The following LRP11 variants were observed in gnomAD, a reference collection of about 807,000 sequenced individuals.
The protein encoded by LRP11 is LDL receptor related protein 11.
In LRP11, 25 loss-of-function variants were observed where a neutral mutation model predicts 43.1. The ratio of observed to expected loss-of-function variants is 0.58; its 90% CI spans 0.42 to 0.81. The LOEUF (loss-of-function observed/expected upper bound fraction) is 0.81. Among genes scored for constraint, LRP11 ranks in the 30% least tolerant of loss-of-function variants. The pLI is 0.00. For missense variants in LRP11, 623 were observed against 665.1 expected (o/e 0.94, Z 0.70); for synonymous variants, 316 against 299.4 (o/e 1.06, Z -0.57).
rs1583103342 is a variant in LRP11 at position 149,863,388 on chromosome 6, C to T, written c.613+20G>A. The T allele has an allele frequency of 1.5e-6, 2 of 1,333,766 alleles. No homozygotes were observed. The highest frequency in any genetic ancestry group is 4.8e-5 in the South Asian group (2 of 41,436). The allele number at this position is 1,333,766 out of a possible 1,614,324, so 82.6% of individuals were successfully genotyped here. On this transcript the variant is annotated intron_variant, in intron 1 of 6. Coordinates refer to ENST00000239367, the MANE Select transcript of LRP11 (RefSeq NM_032832.6). The stretch of plus-strand genomic sequence containing the variant: ...TCTCGAGCGCTCTGGCCAAGGCCGG[C>T]CCCTCAGTCGCGCGCTTACCCTGCC...
Position 149,864,045 on chromosome 6 carries a change from G to A in LRP11, c.-25C>T. 7.7e-7 allele frequency: 1 copy of A among 1,306,718 alleles called. No homozygotes were observed. 80.9% of individuals were successfully genotyped at this position (1,306,718 alleles called of 1,614,324 possible). A position where few individuals can be genotyped will look rare whatever the true frequency, so the allele number is the denominator to read the frequency against. On this transcript the variant is annotated 5_prime_UTR_variant, in exon 1 of 7. Coordinates refer to ENST00000239367, the MANE Select transcript of LRP11 (RefSeq NM_032832.6). ...TGGCGACGAGAGCCAAGGGCAGCGA[G>A]CCGAGGCGGGGCTGAGCGCGGGAGG...
chr6:149,852,219 A>G (rs1776730043), intron 2 of LRP11, among the ~76,000 whole-genome samples: 1 of 152,074 alleles, frequency 6.6e-6, no homozygotes, highest in South Asian at 2.1e-4. Context: ...GTGATGAGGG[A>G]CTTCCAGATT....
chr6:149,837,499 G>A (rs376003461), intron 3 of LRP11, 36 bp from the exon 4 acceptor site: 12 of 1,605,084 alleles, frequency 7.5e-6, no homozygotes, highest in African/African-American at 2.7e-5. Flanking sequence ...CACGAGTGCA[G>A]AAGTTCAGAC....
At chr6:149,861,094 GAT>G (rs1481331234) in intron 1 of LRP11, among the ~76,000 whole-genome samples, 1 of 152,168 alleles carries the variant, frequency 6.6e-6, no homozygotes, top group Non-Finnish European at 1.5e-5. Flanking sequence ...ACCTCAGATG[GAT>G]CCAGTCACAG....
At chr6:149,822,213 A>G (rs1300665700) in intron 6 of LRP11, among the ~76,000 whole-genome samples, 1 of 152,024 alleles carries the variant, frequency 6.6e-6, no homozygotes, top group East Asian at 1.9e-4. Context: ...TGTGGCATGC[A>G]CCTGCAGTCC....
rs1379449979 is a variant in LRP11 at position 149,859,392 on chromosome 6, A to ATTTTT, written c.613+4015_613+4016insAAAAA. Among the ~76,000 whole-genome samples the ATTTTT allele has an allele frequency of 3.0e-3, 228 of 76,728 alleles. 4 individuals are homozygous for ATTTTT. The highest frequency in any genetic ancestry group is 0.019 in the African/African-American group (203 of 10,418). 50.3% of individuals were successfully genotyped at this position (76,728 alleles called of 152,430 possible). A position where few individuals can be genotyped will look rare whatever the true frequency, so the allele number is the denominator to read the frequency against. Reference sequence around the variant, plus strand: ...CTTGCTGACTCATATATATATATATATATATTTTTTTTTTTTTTTTTTTGA... The same window carrying ATTTTT: ...CTTGCTGACTCATATATATATATATATTTTTTATATTTTTTTTTTTTTTTTTTTGA... On this transcript the variant is annotated intron_variant, in intron 1 of 6. Transcript: ENST00000239367.
At chr6:149,821,435 C>A (rs919688486) in intron 6 of LRP11, among the ~76,000 whole-genome samples, 3 of 152,202 alleles carry the variant, frequency 2.0e-5, no homozygotes, top group African/African-American at 7.2e-5. Flanking sequence ...CTCCTGATTT[C>A]TTGTTCTAGT....
chr6:149,851,565 A>G (rs1417478830), intron 2 of LRP11, among the ~76,000 whole-genome samples: 3 of 152,196 alleles, frequency 2.0e-5, no homozygotes, highest in African/African-American at 7.2e-5. Context: ...AGATGAGTTC[A>G]GTGTTTTTCC....
At chr6:149,857,831 A>G (rs9478993) in intron 1 of LRP11, among the ~76,000 whole-genome samples, 23,893 of 152,122 alleles carry the variant, frequency 0.16, 5,498 homozygotes, top group African/African-American at 0.51. Flanking sequence ...TTGATAAATC[A>G]GCTCTGTGTA....
chr6:149,821,870 A>T (rs1177040133), intron 6 of LRP11, among the ~76,000 whole-genome samples: 1 of 152,212 alleles, frequency 6.6e-6, no homozygotes, highest in Non-Finnish European at 1.5e-5. Flanking sequence ...GCCTTCTTCC[A>T]TGTGCCAGAC....
rs1383665688 is a variant in LRP11 at position 149,863,473 on chromosome 6, C to G, written c.548G>C (p.Ser183Thr). 7.4e-7 allele frequency: 1 copy of G among 1,343,864 alleles called. No homozygotes were observed. The highest frequency in any genetic ancestry group is 9.5e-7 in the Non-Finnish European group (1 of 1,056,468). 83.2% of individuals were successfully genotyped at this position (1,343,864 alleles called of 1,614,324 possible). A position where few individuals can be genotyped will look rare whatever the true frequency, so the allele number is the denominator to read the frequency against. ...GTCCGGCGCGCGGCTGAGGCTGTAG[C>G]TGCTGTAGCCGCTGTGCAGCGCGAA... ...CKFALHSGYS[S>T]YSLSRAPDGA... The change falls in exon 1 of 7, where the codon AGC becomes ACC. Residue 183 changes from serine to threonine, a missense_variant. Coordinates refer to ENST00000239367, the MANE Select transcript of LRP11 (RefSeq NM_032832.6).
At chr6:149,832,901 C>T (rs572618577) in intron 5 of LRP11, among the ~76,000 whole-genome samples, 20 of 150,574 alleles carry the variant, frequency 1.3e-4, no homozygotes, top group East Asian at 5.9e-4. Flanking sequence ...CTCCACCTCC[C>T]GGGTTCACGC....
rs143697359 is a variant in LRP11, at chr6:149,860,493, C to A, written c.613+2915G>T. ...GTCATGGGCATGACCCAACCAGGTT[C>A]CTAGAACAGTATCATGTACATGCGT... On this transcript the variant is annotated intron_variant, in intron 1 of 6. Coordinates refer to ENST00000239367, the MANE Select transcript of LRP11 (RefSeq NM_032832.6). 3.8e-3 allele frequency among the ~76,000 whole-genome samples: 567 copies of A among 149,904 alleles called. 4 individuals are homozygous for A. The highest frequency in any genetic ancestry group is 5.4e-3 in the Non-Finnish European group (363 of 67,480).
intron 1 of LRP11, among the ~76,000 whole-genome samples, chr6:149,854,738 C>T (rs1425870127): frequency 6.6e-6 from 1 of 152,224 alleles, no homozygotes; most frequent in Non-Finnish European, 1.5e-5. Flanking sequence ...CTCTTTGGCT[C>T]ACCCTGCACA....
chr6:149,847,686 TA>T (rs1443637792), intron 2 of LRP11, among the ~76,000 whole-genome samples: 1 of 152,184 alleles, frequency 6.6e-6, no homozygotes, highest in Non-Finnish European at 1.5e-5. Flanking sequence ...TGTTCAGCAG[TA>T]ACAGCCTTTG....
chr6:149,835,991 T>C, intron 5 of LRP11, 94 bp downstream of exon 5: 3 of 1,151,034 alleles, frequency 2.6e-6, no homozygotes, highest in East Asian at 4.7e-5. Context: ...TTCAAGATAC[T>C]TCCTTAACAC....
chr6:149,832,181 T>G (rs1332833766), intron 5 of LRP11, among the ~76,000 whole-genome samples: 1 of 149,786 alleles, frequency 6.7e-6, no homozygotes, highest in African/African-American at 2.5e-5. Flanking sequence ...AAGTCTTCCA[T>G]GAGCTAAGTC....
At chr6:149,823,382 GGA>G (rs1189880590) in intron 6 of LRP11, among the ~76,000 whole-genome samples, 1 of 152,154 alleles carries the variant, frequency 6.6e-6, no homozygotes, top group African/African-American at 2.4e-5. Context: ...GGGAGAGCTA[GGA>G]GATGATGAGA....
At position 149,853,038 on chromosome 6, in the gene LRP11, C is replaced by T; in HGVS notation, c.736G>A (p.Ala246Thr). 6.2e-7 allele frequency: 1 copy of T among 1,609,896 alleles called. No individual in the cohort carries two copies. Among genetic ancestry groups the T allele is most frequent in the Non-Finnish European group, 8.5e-7 (1 of 1,178,104 alleles). ...ACTGACGGGTCCCCCTGCAGCAGTG[C>T]CCACTCATACTGGACGATGGCGTGG... The part of the protein sequence containing the change: ...DDHAIVQYEW[A>T]LLQGDPSVDM... The change falls in exon 2 of 7, where the codon GCA becomes ACA. Residue 246 changes from alanine to threonine, a missense_variant. By Grantham distance (58) the Ala-to-Thr change is moderately conservative. Transcript: ENST00000239367.
Sources: gnomAD v4.1 joint callset for allele counts (sites outside exome capture counted in the v4.1 genomes callset) on GRCh38, gnomAD v4.1.1 for gene constraint, MANE v1.5 for transcripts, NCBI Gene and HGNC (gene_info 2026-07-23, HGNC 2026-07-21) for gene names.